ARFGEF2: variants seen among roughly 807,000 people sequenced by gnomAD.
ARFGEF2 encodes the protein brefeldin A-inhibited guanine nucleotide-exchange protein 2.
A neutral mutation model predicts 219.9 loss-of-function variants in ARFGEF2; 74 were observed. The ratio of observed to expected loss-of-function variants is 0.34; its 90% CI spans 0.28 to 0.41. The LOEUF is 0.41. ARFGEF2 is among the 10% of genes least tolerant of loss of function. The probability of loss-of-function intolerance (pLI) is 1.00; values close to 1 mark genes in which losing one functional copy is unlikely to be tolerated. For synonymous variants in ARFGEF2, 733 were observed against 799.2 expected (o/e 0.92, Z 1.40); for missense variants, 1,743 against 2,218.3 (o/e 0.79, Z 4.30).
chr20:49,014,490 C>G (rs186878580), intron 30 of ARFGEF2, among the ~76,000 whole-genome samples: 58 of 152,152 alleles, frequency 3.8e-4, no homozygotes, highest in African/African-American at 1.4e-3. Flanking sequence ...TTTGGGAACA[C>G]CATTCCTTCT....
At chr20:48,958,400 T>C (rs1475188455) in intron 6 of ARFGEF2, among the ~76,000 whole-genome samples, 2 of 151,832 alleles carry the variant, frequency 1.3e-5, no homozygotes, top group Non-Finnish European at 2.9e-5. Flanking sequence ...TTCATCATGC[T>C]GAATTCACTT....
chr20:48,975,371 T>C (rs1456182229), intron 13 of ARFGEF2, among the ~76,000 whole-genome samples: 2 of 152,166 alleles, frequency 1.3e-5, no homozygotes, highest in African/African-American at 2.4e-5. Context: ...TTCTATTCTG[T>C]TCTGTTTATT....
chr20:48,975,499 A>G (rs28437881), intron 13 of ARFGEF2, among the ~76,000 whole-genome samples: 9,802 of 152,002 alleles, frequency 0.064, 1,013 homozygotes, highest in African/African-American at 0.22. Context: ...TTTCATGTGA[A>G]TTTTAGAATT....
At chr20:48,959,463 C>CCTT (rs2091127698) in intron 6 of ARFGEF2, among the ~76,000 whole-genome samples, 1 of 5,480 alleles carries the variant, frequency 1.8e-4, no homozygotes, top group Non-Finnish European at 4.0e-4. Flanking sequence ...CTCCCTCCCT[C>CCTT]CCTTCTTCTC....
At chr20:48,941,325 T>C in intron 2 of ARFGEF2, 96 bp downstream of exon 2, 1 of 1,311,374 alleles carries the variant, frequency 7.6e-7, no homozygotes, top group Non-Finnish European at 1.1e-6. Flanking sequence ...CTCATATTTC[T>C]AATCCTCAGG....
chr20:48,954,986 G>A (rs917704143), intron 6 of ARFGEF2, among the ~76,000 whole-genome samples: 7 of 152,182 alleles, frequency 4.6e-5, no homozygotes, highest in African/African-American at 1.4e-4. Context: ...AAGCATAGCT[G>A]TGCAGATATA....
intron 28 of ARFGEF2, among the ~76,000 whole-genome samples, chr20:49,013,109 G>T (rs1006246281): frequency 6.6e-6 from 1 of 152,110 alleles, no homozygotes; most frequent in African/African-American, 2.4e-5. Context: ...TGGAATCCTT[G>T]TGAGAATTGT....
chr20:49,000,685 C>T (rs534019191), intron 25 of ARFGEF2, among the ~76,000 whole-genome samples: 78 of 152,338 alleles, frequency 5.1e-4, no homozygotes, highest in African/African-American at 1.6e-3. Context: ...CCAGAACAAA[C>T]GCTGCTCATT....
At chr20:49,025,517 C>G in intron 36 of ARFGEF2, 36 bp downstream of exon 36, 6 of 1,611,784 alleles carry the variant, frequency 3.7e-6, no homozygotes, top group Non-Finnish European at 5.1e-6. Context: ...GATGGCCACA[C>G]TGGTCACCTT....
At chr20:48,925,976 A>G (rs1248207294) in intron 1 of ARFGEF2, among the ~76,000 whole-genome samples, 3 of 152,232 alleles carry the variant, frequency 2.0e-5, no homozygotes, top group Non-Finnish European at 4.4e-5. Flanking sequence ...CACATGTTGT[A>G]TTATATCTCC....
In ARFGEF2 at chr20:49,012,177, T is replaced by C. The variant is rs547296541; in HGVS notation, c.3918+93T>C. ...TCCTAACAAAGAGCTTTCCAGCTAC[T>C]CTTTTAGAAATGTGTGTTTGCCCTA... On this transcript the variant is annotated intron_variant, in intron 28 of 38. Coordinates refer to ENST00000371917, the MANE Select transcript of ARFGEF2 (RefSeq NM_006420.3). 2.1e-4 allele frequency: 318 copies of C among 1,544,444 alleles called. No individual in the cohort carries two copies. The African/African-American group carries it at 3.6e-3, about 17-fold the overall frequency.
chr20:48,997,001 T>G (rs2091394794), intron 23 of ARFGEF2, among the ~76,000 whole-genome samples: 1 of 152,114 alleles, frequency 6.6e-6, no homozygotes, highest in Non-Finnish European at 1.5e-5. Flanking sequence ...CATTGTTCCA[T>G]TGTCCATCTT....
intron 1 of ARFGEF2, among the ~76,000 whole-genome samples, chr20:48,939,316 A>G (rs1464544828): frequency 6.6e-6 from 1 of 152,156 alleles, no homozygotes; most frequent in Admixed American, 6.5e-5. Flanking sequence ...CTCACAGCCC[A>G]GCACCAATGC....
At chr20:49,019,497 T>C (rs1352612009) in intron 34 of ARFGEF2, among the ~76,000 whole-genome samples, 1 of 152,236 alleles carries the variant, frequency 6.6e-6, no homozygotes, top group Admixed American at 6.5e-5. Context: ...TTAACAGACA[T>C]TTATATTACT....
Position 48,952,579 on chromosome 20 carries a change from C to A in ARFGEF2, c.424-126C>A. 1.1e-5 allele frequency: 10 copies of A among 917,774 alleles called. 2 individuals are homozygous for A. The South Asian group carries it at 1.4e-4, about 13-fold the overall frequency. 56.9% of individuals were successfully genotyped at this position (917,774 alleles called of 1,614,324 possible). A position where few individuals can be genotyped will look rare whatever the true frequency, so the allele number is the denominator to read the frequency against. ...TAGTTTAATTTGCAGAGCCATCTTA[C>A]AATTTATTTGAAAAAAGCACACAGA... On this transcript the variant is annotated intron_variant, in intron 4 of 38. Transcript: ENST00000371917.
rs558225210 is a variant in ARFGEF2, at chr20:48,947,599, G to A, written c.277-3724G>A. Among the ~76,000 whole-genome samples, 25 of 152,150 alleles carry A rather than the reference G, an allele frequency of 1.6e-4. No individual in the cohort carries two copies. In the South Asian group the frequency reaches 5.2e-3, roughly 32 times the overall value. On this transcript the variant is annotated intron_variant, in intron 3 of 38. Transcript: ENST00000371917. ...TATATGGCCAGGCGCAGTAGCTCAC[G>A]CCTGTAATCCCAGCACTTTGGAAGG...
intron 25 of ARFGEF2, among the ~76,000 whole-genome samples, chr20:49,004,826 A>T (rs1040349770): frequency 4.6e-5 from 7 of 152,198 alleles, no homozygotes; most frequent in African/African-American, 7.2e-5. Flanking sequence ...AATGAAATTT[A>T]AAAAAGCAGA....
At position 48,971,185 on chromosome 20, in the gene ARFGEF2, G is replaced by C. The variant is rs1238614423; in HGVS notation, c.1256G>C (p.Gly419Ala). ...QLLLSVLQNA[G>A]PVFRTHEMFI... ...CTCCTCTCTGTGTTGCAAAATGCTG[G>C]CCCCGTATTCAGGACTCACGAGATG... Residue 419 changes from glycine to alanine, a missense_variant, in exon 10 of 39, where the codon GGC becomes GCC. Physicochemically the swap from Gly to Ala is moderately conservative, Grantham distance 60. Transcript: ENST00000371917. 1.9e-6 allele frequency: 3 copies of C among 1,614,032 alleles called. No individual in the cohort carries two copies. Among genetic ancestry groups the C allele is most frequent in the Non-Finnish European group, 2.5e-6 (3 of 1,180,034 alleles).
rs536226278 is a variant in ARFGEF2 at position 48,998,126 on chromosome 20, C to T, written c.3222-67C>T. On this transcript the variant is annotated intron_variant, in intron 23 of 38. Coordinates refer to ENST00000371917, the MANE Select transcript of ARFGEF2 (RefSeq NM_006420.3). ...ACACCCTCCTCGGCCTCCCAAAGTG[C>T]TGAGATTACAGGTGTGAGCCACCAC... 5.5e-5 allele frequency: 82 copies of T among 1,494,970 alleles called. No homozygotes were observed. In the East Asian group the frequency reaches 1.3e-3, roughly 23 times the overall value. 92.6% of individuals were successfully genotyped at this position (1,494,970 alleles called of 1,614,324 possible). A position where few individuals can be genotyped will look rare whatever the true frequency, so the allele number is the denominator to read the frequency against.
Sources: gnomAD v4.1 joint callset for allele counts (sites outside exome capture counted in the v4.1 genomes callset) on GRCh38, gnomAD v4.1.1 for gene constraint, MANE v1.5 for transcripts, NCBI Gene and HGNC (gene_info 2026-07-23, HGNC 2026-07-21) for gene names.